ARFGEF3: variants seen among roughly 807,000 people sequenced by gnomAD.
ARFGEF3 encodes the protein brefeldin A-inhibited guanine nucleotide-exchange protein 3.
Under a neutral mutation model 221.7 loss-of-function variants are expected in ARFGEF3, and 96 were observed. The observed-to-expected ratio is 0.43, with a 90% CI of 0.37 to 0.51. The LOEUF is 0.51. Among genes scored for constraint, ARFGEF3 ranks in the 20% least tolerant of loss-of-function variants. The probability of loss-of-function intolerance (pLI) is 0.00; values close to 1 mark genes in which losing one functional copy is unlikely to be tolerated. For missense variants in ARFGEF3, 2,410 were observed against 2,789.9 expected (o/e 0.86, Z 3.07); for synonymous variants, 1,145 against 1,126.8 (o/e 1.02, Z -0.32).
intron 12 of ARFGEF3, 119 bp from the exon 13 acceptor site, chr6:138,278,332 C>T (rs1029775888): frequency 5.5e-6 from 5 of 912,652 alleles, no homozygotes; most frequent in Non-Finnish European, 8.5e-6. Context: ...GCTGTCAGTG[C>T]TATACAGAAA....
intron 2 of ARFGEF3, among the ~76,000 whole-genome samples, chr6:138,189,330 A>C (rs1163296652): frequency 6.6e-6 from 1 of 152,224 alleles, no homozygotes; most frequent in Non-Finnish European, 1.5e-5. Context: ...ACATCATGTC[A>C]CTTGAACCAT....
chr6:138,233,134 C>T (rs1280204775), intron 5 of ARFGEF3, among the ~76,000 whole-genome samples: 1 of 152,034 alleles, frequency 6.6e-6, no homozygotes, highest in Non-Finnish European at 1.5e-5. Flanking sequence ...TTCAAGTGGC[C>T]ATAGGGAATA....
intron 24 of ARFGEF3, among the ~76,000 whole-genome samples, chr6:138,310,886 C>T (rs540384213): frequency 6.6e-6 from 1 of 152,204 alleles, no homozygotes; most frequent in Non-Finnish European, 1.5e-5. Flanking sequence ...TTCCCAGAGA[C>T]CTCATTTATC....
intron 5 of ARFGEF3, among the ~76,000 whole-genome samples, chr6:138,233,859 C>T (rs1778237902): frequency 6.6e-6 from 1 of 152,112 alleles, no homozygotes; most frequent in African/African-American, 2.4e-5. Flanking sequence ...GGAGGAGTAA[C>T]CCCACCTCCT....
At chr6:138,174,682 C>T (rs187416476) in intron 2 of ARFGEF3, among the ~76,000 whole-genome samples, 1 of 152,112 alleles carries the variant, frequency 6.6e-6, no homozygotes, top group Admixed American at 6.5e-5. Flanking sequence ...TAATCACCTC[C>T]AGGTGATTAT....
At chr6:138,333,505 G>A (rs138886484) in intron 32 of ARFGEF3, among the ~76,000 whole-genome samples, 7 of 152,130 alleles carry the variant, frequency 4.6e-5, no homozygotes, top group African/African-American at 1.4e-4. Context: ...GCAGTGGCGC[G>A]ATTTCAGCTC....
intron 2 of ARFGEF3, among the ~76,000 whole-genome samples, chr6:138,200,529 C>A (rs1777515424): frequency 6.6e-6 from 1 of 152,156 alleles, no homozygotes. Flanking sequence ...CAAGTACTTG[C>A]AGCCAACTGA....
chr6:138,269,818 GA>G (rs11378869), intron 12 of ARFGEF3, among the ~76,000 whole-genome samples: 21 of 150,208 alleles, frequency 1.4e-4, no homozygotes, highest in Non-Finnish European at 2.4e-4. Flanking sequence ...AAAAAAAGAA[GA>G]AAAAAAAAGG....
At chr6:138,285,158 C>T (rs1779263090) in intron 14 of ARFGEF3, among the ~76,000 whole-genome samples, 1 of 152,106 alleles carries the variant, frequency 6.6e-6, no homozygotes, top group Admixed American at 6.5e-5. Flanking sequence ...TGTGAAAACA[C>T]TTTGAAAATT....
chr6:138,251,272 TAG>T (rs1778577534), intron 8 of ARFGEF3, among the ~76,000 whole-genome samples: 1 of 152,210 alleles, frequency 6.6e-6, no homozygotes, highest in African/African-American at 2.4e-5. Flanking sequence ...TTCCTGTCTA[TAG>T]TTGTTTTCGT....
At chr6:138,272,242 G>A (rs6923747) in intron 12 of ARFGEF3, among the ~76,000 whole-genome samples, 2,016 of 152,178 alleles carry the variant, frequency 0.013, 35 homozygotes, top group African/African-American at 0.041. Context: ...TGCAACCTCC[G>A]CCTCCTGGGT....
In ARFGEF3 at chr6:138,291,463, C is replaced by T. The variant is rs1349975575; in HGVS notation, c.3048-270C>T. Among the ~76,000 whole-genome samples, 1 of 152,170 alleles carries T rather than the reference C, an allele frequency of 6.6e-6. No individual in the cohort carries two copies. Among genetic ancestry groups the T allele is most frequent in the Non-Finnish European group, 1.5e-5 (1 of 68,036 alleles). On this transcript the variant is annotated intron_variant, in intron 18 of 33. Coordinates refer to ENST00000251691, the MANE Select transcript of ARFGEF3 (RefSeq NM_020340.5). This position sits in a 1 kb window ranked among gnomAD's most constrained non-coding sequence, Gnocchi z 4.5. ...CAGGGGGACTGGATGAACTGGGCTTCATTGCCCGTCTTTCTCCCAGCCTGG... is the reference window on the plus strand; with the variant it reads ...CAGGGGGACTGGATGAACTGGGCTTTATTGCCCGTCTTTCTCCCAGCCTGG...
chr6:138,297,098 A>T (rs2114644943), intron 21 of ARFGEF3, 143 bp downstream of exon 21: 1 of 893,704 alleles, frequency 1.1e-6, no homozygotes, highest in East Asian at 2.6e-5. Flanking sequence ...GGTCACAAAC[A>T]TCACTGTTTT....
intron 2 of ARFGEF3, among the ~76,000 whole-genome samples, chr6:138,193,515 A>G (rs1777351047): frequency 6.6e-6 from 1 of 152,248 alleles, no homozygotes; most frequent in South Asian, 2.1e-4. Context: ...GCGCCTGGAC[A>G]TGTAGTAGGC....
intron 2 of ARFGEF3, among the ~76,000 whole-genome samples, chr6:138,192,931 T>C (rs1718593663): frequency 6.6e-6 from 1 of 152,208 alleles, no homozygotes; most frequent in Non-Finnish European, 1.5e-5. Flanking sequence ...TATGATAGTC[T>C]GTTTTCTATC....
chr6:138,230,066 T>C (rs1004184952), intron 5 of ARFGEF3, among the ~76,000 whole-genome samples: 2 of 152,180 alleles, frequency 1.3e-5, no homozygotes, highest in Non-Finnish European at 2.9e-5. Context: ...CCTGCATGCT[T>C]ACGTTTGCTT....
At chr6:138,272,444 A>G (rs958202762) in intron 12 of ARFGEF3, among the ~76,000 whole-genome samples, 3 of 152,258 alleles carry the variant, frequency 2.0e-5, no homozygotes, top group African/African-American at 7.2e-5. Context: ...GGCATGGGCC[A>G]CTGCACCTGG....
At chr6:138,294,236 C>A in intron 20 of ARFGEF3, 110 bp downstream of exon 20, 1 of 1,169,424 alleles carries the variant, frequency 8.6e-7, no homozygotes, top group East Asian at 2.4e-5. Flanking sequence ...CCATTGCTTA[C>A]ACTCACACAA....
At chr6:138,305,050 G>A (rs1166240971) in intron 22 of ARFGEF3, among the ~76,000 whole-genome samples, 3 of 147,994 alleles carry the variant, frequency 2.0e-5, no homozygotes, top group Non-Finnish European at 3.0e-5. Flanking sequence ...TTAACAAATT[G>A]AATAAAGCAA....
Sources: allele counts gnomAD v4.1 joint callset (sites outside exome capture counted in the v4.1 genomes callset), GRCh38; gene constraint gnomAD v4.1.1; non-coding constraint Gnocchi (gnomAD v3.1); transcripts MANE v1.5; gene names NCBI Gene and HGNC (gene_info 2026-07-23, HGNC 2026-07-21).